Variants in RGSL1 observed in about 807,000 individuals in gnomAD.
RGSL1 encodes the protein regulator of G protein signaling like 1, also known as regulator of G protein signaling protein-like.
A neutral mutation model predicts 124.7 loss-of-function variants in RGSL1; 97 were observed. The observed-to-expected ratio is 0.78, with a 90% CI of 0.66 to 0.92. RGSL1 has a LOEUF of 0.92. Among genes scored for constraint, RGSL1 ranks in the 40% least tolerant of loss-of-function variants. The pLI, the probability that RGSL1 is intolerant of heterozygous loss-of-function variation, is 0.00. For missense variants in RGSL1, 1,233 were observed against 1,288.4 expected (o/e 0.96, Z 0.66); for synonymous variants, 424 against 438.1 (o/e 0.97, Z 0.40).
At chr1:182,485,247 G>T (rs1655013756) in intron 6 of RGSL1, among the ~76,000 whole-genome samples, 1 of 152,124 alleles carries the variant, frequency 6.6e-6, no homozygotes, top group African/African-American at 2.4e-5. Flanking sequence ...GGTGGTGGAG[G>T]CCCAATGTTT....
rs1654094102 is a variant in RGSL1 at position 182,474,203 on chromosome 1, C to A, written c.1092C>A (p.Ser364Arg). The change falls in exon 6 of 22, where the codon AGC becomes AGA. Residue 364 changes from serine to arginine, a missense_variant. Coordinates refer to ENST00000294854, the MANE Select transcript of RGSL1 (RefSeq NM_001137669.2). ...KMTIQKAIKQ[S>R]FSLGYIHLAL... ...CAATTCAGAAGGCCATCAAGCAAAG[C>A]TTCTCCTTAGGATACATCCACTTGG... 2 of 1,551,924 alleles carry A rather than the reference C, an allele frequency of 1.3e-6. No homozygotes were observed. The highest frequency in any genetic ancestry group is 2.7e-5 in the African/African-American group (2 of 73,042).
rs756422336 is a variant in RGSL1 at position 182,473,630 on chromosome 1, G to T, written c.519G>T (p.Glu173Asp). The T allele has an allele frequency of 6.4e-7, 1 of 1,551,402 alleles. No individual in the cohort carries two copies. The highest frequency in any genetic ancestry group is 1.2e-5 in the South Asian group (1 of 84,018). The change falls in exon 6 of 22, where the codon GAG becomes GAT. Residue 173 changes from glutamate to aspartate, a missense_variant. Coordinates refer to ENST00000294854, the MANE Select transcript of RGSL1 (RefSeq NM_001137669.2). ...CCAACCAATCAACCACTAGGAGGGA[G>T]ATCCTGAGCCACATGCAGAAAGTGG... ...WHPNQSTTRR[E>D]ILSHMQKVAL...
intron 8 of RGSL1, 40 bp from the exon 9 acceptor site, chr1:182,492,981 TG>T: frequency 7.4e-7 from 1 of 1,347,818 alleles, no homozygotes; most frequent in Non-Finnish European, 1.0e-6. Context: ...ACCCAGACTT[TG>T]GACAACTAAA....
At chr1:182,450,896 T>C (rs191901666) in intron 1 of RGSL1, among the ~76,000 whole-genome samples, 40 of 152,274 alleles carry the variant, frequency 2.6e-4, no homozygotes, top group African/African-American at 9.4e-4. Context: ...CTTGTAATCC[T>C]AGTACTTTGG....
chr1:182,537,650 T>C (rs745978286), intron 14 of RGSL1, among the ~76,000 whole-genome samples: 1 of 152,234 alleles, frequency 6.6e-6, no homozygotes, highest in African/African-American at 2.4e-5. Context: ...CCATGTTATT[T>C]GTATGGCTAT....
intron 14 of RGSL1, among the ~76,000 whole-genome samples, chr1:182,539,135 A>G (rs1231244648): frequency 6.6e-6 from 1 of 152,172 alleles, no homozygotes; most frequent in Non-Finnish European, 1.5e-5. Flanking sequence ...AAATCAGTGA[A>G]TAATACAAAT....
chr1:182,532,115 A>G (rs149599938), intron 13 of RGSL1, among the ~76,000 whole-genome samples: 1 of 152,282 alleles, frequency 6.6e-6, no homozygotes, highest in Non-Finnish European at 1.5e-5. Flanking sequence ...TTCTTGAAGG[A>G]CAAATAAAAT....
intron 8 of RGSL1, 42 bp from the exon 9 acceptor site, chr1:182,492,980 T>C: frequency 7.5e-7 from 1 of 1,339,890 alleles, no homozygotes; most frequent in Non-Finnish European, 1.0e-6. Context: ...AACCCAGACT[T>C]TGGACAACTA....
rs534384834 is a variant in RGSL1 at position 182,531,755 on chromosome 1, C to A, written c.2364+845C>A. On this transcript the variant is annotated intron_variant, in intron 13 of 21. Transcript: ENST00000294854. Reference sequence around the variant, plus strand: ...TGCACTTGATTTAATTTCAGAGCTTCCAGTTGTTCCTAGAAAACAAGATAA... The same window carrying A: ...TGCACTTGATTTAATTTCAGAGCTTACAGTTGTTCCTAGAAAACAAGATAA... Among the ~76,000 whole-genome samples the A allele has an allele frequency of 1.8e-4, 27 of 152,258 alleles. No individual in the cohort carries two copies. The South Asian group carries it at 5.6e-3, about 32-fold the overall frequency.
chr1:182,535,864 C>G (rs1420891842), intron 14 of RGSL1, among the ~76,000 whole-genome samples: 1 of 152,138 alleles, frequency 6.6e-6, no homozygotes, highest in Non-Finnish European at 1.5e-5. Context: ...GTAAGTATCT[C>G]TGCCATCATG....
intron 15 of RGSL1, among the ~76,000 whole-genome samples, chr1:182,541,950 T>A (rs1659918423): frequency 6.6e-6 from 1 of 152,190 alleles, no homozygotes; most frequent in African/African-American, 2.4e-5. Flanking sequence ...ATTGAGATGT[T>A]TGAGCTCCTT....
At chr1:182,516,897 G>A (rs1352220590) in intron 9 of RGSL1, among the ~76,000 whole-genome samples, 2 of 152,100 alleles carry the variant, frequency 1.3e-5, no homozygotes, top group Non-Finnish European at 2.9e-5. Context: ...TATAGTATTA[G>A]AGTATTCTGG....
chr1:182,466,929 A>G (rs1295839964), intron 4 of RGSL1, among the ~76,000 whole-genome samples: 1 of 152,224 alleles, frequency 6.6e-6, no homozygotes, highest in Non-Finnish European at 1.5e-5. Flanking sequence ...ACAAGTTTAC[A>G]GCAATCAACA....
chr1:182,474,162 C>T lies in RGSL1; in HGVS notation c.1051C>T (p.His351Tyr), dbSNP rs1654089309. 3.2e-6 allele frequency: 5 copies of T among 1,552,064 alleles called. No homozygotes were observed. Among genetic ancestry groups the T allele is most frequent in the Non-Finnish European group, 4.4e-6 (5 of 1,147,062 alleles). Reference protein sequence around the residue: ...HLRTVIPIVNHSSKMTIQKAI... With the variant: ...HLRTVIPIVNYSSKMTIQKAI... Reference sequence around the variant, plus strand: ...GAGGACTGTCATCCCCATTGTCAATCACTCCTCCAAGATGACAATTCAGAA... The same window carrying T: ...GAGGACTGTCATCCCCATTGTCAATTACTCCTCCAAGATGACAATTCAGAA... The change falls in exon 6 of 22, where the codon CAC becomes TAC. Residue 351 changes from histidine to tyrosine, a missense_variant. His to Tyr is a moderately conservative substitution (Grantham distance 83). Coordinates refer to ENST00000294854, the MANE Select transcript of RGSL1 (RefSeq NM_001137669.2).
intron 14 of RGSL1, among the ~76,000 whole-genome samples, chr1:182,534,290 G>A (rs192442866): frequency 1.3e-3 from 201 of 152,210 alleles, no homozygotes; most frequent in Non-Finnish European, 2.1e-3. Flanking sequence ...CATCAACAGT[G>A]TGTTGTACAT....
chr1:182,527,715 TG>T lies in RGSL1; in HGVS notation c.2069del (p.Cys690SerfsTer5). On this transcript the variant is annotated frameshift_variant, in exon 11 of 22. Transcript: ENST00000294854. LOFTEE classifies it high-confidence loss of function. Reference sequence around the variant, plus strand: ...CAGTATAGAGACCAATGAAAAGATTTGCAAGTCTCTCATAGAAAATGTAATC... The same window carrying T: ...CAGTATAGAGACCAATGAAAAGATTTCAAGTCTCTCATAGAAAATGTAATC... ...KISIETNEKICKSLIENVIKT... is the reference protein window; with the variant it reads ...KISIETNEKIXKSLIENVIKT... 8.4e-6 allele frequency: 13 copies of T among 1,551,206 alleles called. No homozygotes were observed. The highest frequency in any genetic ancestry group is 1.1e-5 in the Non-Finnish European group (13 of 1,146,712).
intron 14 of RGSL1, among the ~76,000 whole-genome samples, chr1:182,533,574 A>C (rs1298622583): frequency 1.3e-5 from 2 of 152,218 alleles, no homozygotes; most frequent in African/African-American, 4.8e-5. Context: ...TACAAGCCAC[A>C]GATGTTGGAG....
chr1:182,510,694 G>GGGGGAGGGGGAGGGGGAA (rs1259742819), intron 9 of RGSL1, among the ~76,000 whole-genome samples: 1 of 10,646 alleles, frequency 9.4e-5, no homozygotes, highest in African/African-American at 2.4e-4. Context: ...GAGAGGGAGA[G>GGGGGAGGGGGAGGGGGAA]GGAGAGGGAG....
chr1:182,451,611 CAG>C (rs1651838713), intron 1 of RGSL1, among the ~76,000 whole-genome samples: 1 of 150,482 alleles, frequency 6.6e-6, no homozygotes, highest in African/African-American at 2.4e-5. Context: ...GCAGAGTGCG[CAG>C]AGAGGCAGGA....
Sources: gnomAD v4.1 joint callset for allele counts (sites outside exome capture counted in the v4.1 genomes callset) on GRCh38, gnomAD v4.1.1 for gene constraint, MANE v1.5 for transcripts, NCBI Gene and HGNC (gene_info 2026-07-23, HGNC 2026-07-21) for gene names.